The following CEP128 variants were observed in gnomAD, a reference collection of about 807,000 sequenced individuals.
CEP128 encodes centrosomal protein 128kDa.
Under a neutral mutation model 156.7 loss-of-function variants are expected in CEP128, and 132 were observed. That is an observed-to-expected ratio of 0.84 (90% CI 0.73 to 0.97). The LOEUF is 0.97. Among genes scored for constraint, CEP128 ranks in the 50% least tolerant of loss-of-function variants. CEP128 has a pLI of 0.00. For synonymous variants in CEP128, 469 were observed against 448.9 expected (o/e 1.04, Z -0.57); for missense variants, 1,252 against 1,281.9 (o/e 0.98, Z 0.36).
At position 80,761,758 on chromosome 14, in the gene CEP128, C is replaced by T. The variant is rs147331133; in HGVS notation, c.2377-145G>A. On this transcript the variant is annotated intron_variant, in intron 16 of 24. Transcript: ENST00000555265. Reference sequence around the variant, plus strand: ...CCCTTACTTTACCAAAATAAAAACACTTTAATCTACTCATTAACTGAGGTA... The same window carrying T: ...CCCTTACTTTACCAAAATAAAAACATTTTAATCTACTCATTAACTGAGGTA... 4.4e-3 allele frequency: 2,206 copies of T among 505,204 alleles called. 15 individuals carry two copies. The highest frequency in any genetic ancestry group is 6.5e-3 in the Middle Eastern group (13 of 1,986). The allele number at this position is 505,204 out of a possible 1,614,324, so 31.3% of individuals were successfully genotyped here. A position where few individuals can be genotyped will look rare whatever the true frequency, so the allele number is the denominator to read the frequency against.
intron 13 of CEP128, among the ~76,000 whole-genome samples, chr14:80,793,423 A>G (rs1204318091): frequency 2.0e-5 from 3 of 152,240 alleles, no homozygotes; most frequent in Non-Finnish European, 2.9e-5. Context: ...TATTTTAGTA[A>G]CAACCTAGTG....
At chr14:80,742,329 G>A (rs1010519783) in intron 19 of CEP128, among the ~76,000 whole-genome samples, 2 of 151,952 alleles carry the variant, frequency 1.3e-5, no homozygotes, top group African/African-American at 4.8e-5. Context: ...CAAAACCACT[G>A]AGACCTTCGA....
At chr14:80,487,843 A>G (rs1887203241), downstream of CEP128, among the ~76,000 whole-genome samples, 1 of 152,084 alleles carries the variant, frequency 6.6e-6, no homozygotes, top group Non-Finnish European at 1.5e-5. Flanking sequence ...ACAAAGACAC[A>G]ACATACCAGA....
intron 19 of CEP128, among the ~76,000 whole-genome samples, chr14:80,656,655 T>G (rs975516357): frequency 1.6e-4 from 25 of 152,056 alleles, no homozygotes; most frequent in African/African-American, 5.8e-4. Context: ...ATGAGAAGTT[T>G]GTGAATAAGC....
chr14:80,955,994 A>ATG, intron 2 of CEP128: 7 of 994,844 alleles, frequency 7.0e-6, no homozygotes, highest in South Asian at 2.8e-5. Context: ...GTGTGTGTAG[A>ATG]TGTGTGTGTG....
At chr14:80,581,153 T>C (rs1031377158) in intron 19 of CEP128, among the ~76,000 whole-genome samples, 2 of 152,196 alleles carry the variant, frequency 1.3e-5, no homozygotes, top group African/African-American at 2.4e-5. Context: ...AAACATATTT[T>C]CTGCCTGCAG....
intron 21 of CEP128, among the ~76,000 whole-genome samples, chr14:80,549,682 C>T (rs146776778): frequency 1.6e-4 from 24 of 152,270 alleles, no homozygotes; most frequent in African/African-American, 4.8e-4. Flanking sequence ...AGTTGTACAG[C>T]GGCACTTTAG....
At chr14:80,946,193 C>T (rs1886338353), upstream of CEP128, among the ~76,000 whole-genome samples, 3 of 152,050 alleles carry the variant, frequency 2.0e-5, no homozygotes. Context: ...TGAATGTAAG[C>T]TGACATTATA....
chr14:80,936,151 C>T (rs547633474), intron 2 of CEP128, among the ~76,000 whole-genome samples: 1 of 152,202 alleles, frequency 6.6e-6, no homozygotes, highest in African/African-American at 2.4e-5. Context: ...TGAGCACATT[C>T]GTTCACAAGC....
intron 13 of CEP128, among the ~76,000 whole-genome samples, chr14:80,821,930 G>A (rs1413930372): frequency 1.4e-5 from 1 of 70,852 alleles, no homozygotes; most frequent in Non-Finnish European, 2.8e-5. Flanking sequence ...GAAGGTGACA[G>A]GCACGCAGAC....
At chr14:80,892,937 A>C (rs1889171563) in intron 8 of CEP128, among the ~76,000 whole-genome samples, 1 of 151,914 alleles carries the variant, frequency 6.6e-6, no homozygotes, top group African/African-American at 2.4e-5. Flanking sequence ...AGTAATTAAA[A>C]ATAGAACTAC....
In CEP128 at chr14:80,831,166, C is replaced by T; in HGVS notation, c.1186G>A (p.Ala396Thr). ...ACCTCTACTTGTGATGCCAAATGTG[C>T]TTTCTCCTTGTCTTTTCTCTCCATG... ...RCMERKDKEK[A>T]HLASQVENLT... The change falls in exon 13 of 25, where the codon GCA (alanine) becomes ACA (threonine). Residue 396 changes from alanine to threonine, a missense_variant. Ala to Thr is a moderately conservative substitution (Grantham distance 58). Coordinates refer to ENST00000555265, the MANE Select transcript of CEP128 (RefSeq NM_152446.5). 3 of 1,613,940 alleles carry T rather than the reference C, an allele frequency of 1.9e-6. No homozygotes were observed. The highest frequency in any genetic ancestry group is 2.5e-6 in the Non-Finnish European group (3 of 1,179,902).
intron 20 of CEP128, among the ~76,000 whole-genome samples, chr14:80,560,623 C>T (rs376918408): frequency 6.6e-6 from 1 of 151,924 alleles, no homozygotes; most frequent in Admixed American, 6.6e-5. Flanking sequence ...AGTCAGTGGG[C>T]TGAGGAAGGC....
At chr14:80,640,322 G>C (rs1894355607) in intron 19 of CEP128, among the ~76,000 whole-genome samples, 1 of 152,084 alleles carries the variant, frequency 6.6e-6, no homozygotes, top group East Asian at 1.9e-4. Flanking sequence ...AAAAGTTCAT[G>C]ATCTATTAAT....
chr14:80,713,508 G>A (rs1294359060), intron 19 of CEP128, among the ~76,000 whole-genome samples: 1 of 151,802 alleles, frequency 6.6e-6, no homozygotes, highest in African/African-American at 2.4e-5. Context: ...TTAGTTCCCT[G>A]ACCCATCCAA....
At chr14:80,921,122 T>G (rs911178022) in intron 2 of CEP128, among the ~76,000 whole-genome samples, 1 of 152,214 alleles carries the variant, frequency 6.6e-6, no homozygotes, top group African/African-American at 2.4e-5. Context: ...GATAAAAGCA[T>G]GAATTCCAAT....
intron 19 of CEP128, among the ~76,000 whole-genome samples, chr14:80,643,210 A>G (rs1218949987): frequency 6.6e-6 from 1 of 152,152 alleles, no homozygotes; most frequent in Non-Finnish European, 1.5e-5. Flanking sequence ...GTGCCTTAAA[A>G]CCTAATTTAA....
At chr14:80,572,278 A>T (rs547522430) in intron 20 of CEP128, among the ~76,000 whole-genome samples, 2 of 152,324 alleles carry the variant, frequency 1.3e-5, no homozygotes, top group South Asian at 4.1e-4. Context: ...TGAGAACTAC[A>T]GTTTCTTTTA....
chr14:80,754,596 G>A, intron 18 of CEP128, among the ~76,000 whole-genome samples: 1 of 151,474 alleles, frequency 6.6e-6, no homozygotes, highest in Non-Finnish European at 1.5e-5. Context: ...CCGAGTAGCT[G>A]GGACTGCAGG....
Sources: allele counts gnomAD v4.1 joint callset (sites outside exome capture counted in the v4.1 genomes callset), GRCh38; gene constraint gnomAD v4.1.1; transcripts MANE v1.5; gene names NCBI Gene and HGNC (gene_info 2026-07-23, HGNC 2026-07-21).